NEGR1: variants seen among roughly 807,000 people sequenced by gnomAD.
NEGR1 encodes IgLON family member 4.
A neutral mutation model predicts 40.9 loss-of-function variants in NEGR1; 10 were observed. The ratio of observed to expected loss-of-function variants is 0.24; its 90% CI spans 0.15 to 0.42. NEGR1 has a LOEUF of 0.42. Ranked by LOEUF, NEGR1 falls within the 10% of genes least tolerant of loss-of-function variation. NEGR1 has a pLI of 1.00. For synonymous variants in NEGR1, 185 were observed against 166.8 expected (o/e 1.11, Z -0.84); for missense variants, 352 against 438.9 (o/e 0.80, Z 1.77).
chr1:71,993,267 A>C lies in NEGR1; in HGVS notation c.177-57956T>G, dbSNP rs181288630. ...CTTAATAGCTTTCTTTGAATATCTAAAAGAACTTTGAAGGTAGCAAAGTAA... is the reference window on the plus strand; with the variant it reads ...CTTAATAGCTTTCTTTGAATATCTACAAGAACTTTGAAGGTAGCAAAGTAA... On this transcript the variant is annotated intron_variant, in intron 1 of 6. Transcript: ENST00000357731. Among the ~76,000 whole-genome samples the C allele has an allele frequency of 3.5e-4, 53 of 152,296 alleles. 1 individual carries two copies. Among genetic ancestry groups the C allele is most frequent in the South Asian group, 1.4e-3 (7 of 4,830 alleles).
intron 1 of NEGR1, among the ~76,000 whole-genome samples, chr1:72,194,029 T>A (rs992892100): frequency 1.3e-5 from 2 of 151,862 alleles, no homozygotes; most frequent in African/African-American, 4.8e-5. Context: ...TACAAAATTT[T>A]AAAAATACTG....
chr1:72,270,451 T>G (rs1428304747), intron 1 of NEGR1, among the ~76,000 whole-genome samples: 1 of 151,916 alleles, frequency 6.6e-6, no homozygotes, highest in East Asian at 1.9e-4. Context: ...GCCTTCAGCA[T>G]AACCTACAGA....
chr1:71,474,517 TACACACACACACACACACACACACAC>T (rs57225665), intron 6 of NEGR1, among the ~76,000 whole-genome samples: 5 of 115,452 alleles, frequency 4.3e-5, no homozygotes, highest in Non-Finnish European at 8.7e-5. Context: ...CTACTAACAA[TACACACACACACACACACACACACAC>T]ACACACACAC....
intron 1 of NEGR1, among the ~76,000 whole-genome samples, chr1:72,215,973 T>C (rs908422953): frequency 6.6e-6 from 1 of 152,016 alleles, no homozygotes. Context: ...TGCCCATCAA[T>C]GATAGATGGG....
At chr1:71,866,975 A>G (rs1660132524) in intron 2 of NEGR1, among the ~76,000 whole-genome samples, 1 of 152,224 alleles carries the variant, frequency 6.6e-6, no homozygotes, top group Non-Finnish European at 1.5e-5. Flanking sequence ...ACAGTGTAGA[A>G]GAAAGTCATT....
intron 4 of NEGR1, among the ~76,000 whole-genome samples, chr1:71,650,445 A>G (rs978331503): frequency 6.6e-6 from 1 of 152,194 alleles, no homozygotes; most frequent in African/African-American, 2.4e-5. Flanking sequence ...TAGTAAGAAC[A>G]AGTTTCACAT....
chr1:71,744,883 C>T (rs537348619), intron 3 of NEGR1, among the ~76,000 whole-genome samples: 3 of 151,854 alleles, frequency 2.0e-5, no homozygotes, highest in Non-Finnish European at 4.4e-5. Context: ...TCATAAATAC[C>T]TTTGGTGGAA....
At chr1:71,764,579 G>A (rs1420831787) in intron 3 of NEGR1, among the ~76,000 whole-genome samples, 1 of 152,160 alleles carries the variant, frequency 6.6e-6, no homozygotes, top group Non-Finnish European at 1.5e-5. Context: ...CAAGGCATTT[G>A]GCCCAGGAAC....
In NEGR1 at chr1:71,730,190, T is replaced by G. The variant is rs987691534; in HGVS notation, c.536-32051A>C. 1.2e-4 allele frequency among the ~76,000 whole-genome samples: 19 copies of G among 152,050 alleles called. 1 individual carries two copies. The highest frequency in any genetic ancestry group is 4.3e-4 in the African/African-American group (18 of 41,420). ...GAAAGATAACTAGAACATGTACAAG[T>G]TTTTTGGAGAAAATATTATTTGTTC... On this transcript the variant is annotated intron_variant, in intron 3 of 6. Transcript: ENST00000357731.
At chr1:71,553,041 G>A (rs191369256) in intron 6 of NEGR1, among the ~76,000 whole-genome samples, 1 of 150,558 alleles carries the variant, frequency 6.6e-6, no homozygotes, top group East Asian at 2.0e-4. Context: ...ATTGAGTCAG[G>A]TTGTAAAAAT....
intron 1 of NEGR1, among the ~76,000 whole-genome samples, chr1:72,160,692 G>A (rs1180095920): frequency 2.0e-5 from 3 of 152,068 alleles, no homozygotes; most frequent in Non-Finnish European, 2.9e-5. Context: ...TTTCTGGAAA[G>A]ATCATCAGTA....
intron 6 of NEGR1, among the ~76,000 whole-genome samples, chr1:71,492,527 C>T (rs572912652): frequency 5.1e-4 from 77 of 152,146 alleles, no homozygotes; most frequent in Non-Finnish European, 9.7e-4. Context: ...TCACCTCTTA[C>T]GGCTCCTGGT....
chr1:71,575,092 C>T (rs1462426091), intron 6 of NEGR1, among the ~76,000 whole-genome samples: 1 of 152,162 alleles, frequency 6.6e-6, no homozygotes, highest in African/African-American at 2.4e-5. Flanking sequence ...ATGCCACTTT[C>T]ACTCATAAAC....
At chr1:71,413,954 C>A (rs996365541) in intron 6 of NEGR1, among the ~76,000 whole-genome samples, 3 of 152,022 alleles carry the variant, frequency 2.0e-5, no homozygotes, top group African/African-American at 7.3e-5. Flanking sequence ...GGTACAATAC[C>A]AATTACTTCC....
At chr1:71,557,153 T>G (rs575382115) in intron 6 of NEGR1, among the ~76,000 whole-genome samples, 1 of 151,792 alleles carries the variant, frequency 6.6e-6, no homozygotes, top group Non-Finnish European at 1.5e-5. Context: ...ATGGTAGAGA[T>G]AGTTCATCTT....
At chr1:71,718,552 A>G (rs1016605283) in intron 3 of NEGR1, among the ~76,000 whole-genome samples, 1 of 152,220 alleles carries the variant, frequency 6.6e-6, no homozygotes, top group African/African-American at 2.4e-5. Context: ...AACTATTGAC[A>G]TTTAAAGTAC....
intron 6 of NEGR1, among the ~76,000 whole-genome samples, chr1:71,507,092 A>C (rs1647040032): frequency 6.6e-6 from 1 of 152,252 alleles, no homozygotes; most frequent in Admixed American, 6.5e-5. Context: ...AACAGGTCTT[A>C]AAAAGTCTCC....
intron 1 of NEGR1, among the ~76,000 whole-genome samples, chr1:72,026,156 A>G (rs17097655): frequency 0.021 from 3,109 of 149,786 alleles, 103 homozygotes; most frequent in African/African-American, 0.073. Context: ...ACATAATTAA[A>G]GCAGATGGCT....
At chr1:72,015,492 C>T (rs868348128) in intron 1 of NEGR1, among the ~76,000 whole-genome samples, 24 of 151,782 alleles carry the variant, frequency 1.6e-4, no homozygotes, top group African/African-American at 4.1e-4. Flanking sequence ...AGGTTTTTAC[C>T]GTAAATAAAA....
Sources: gnomAD v4.1 joint callset for allele counts (sites outside exome capture counted in the v4.1 genomes callset) on GRCh38, gnomAD v4.1.1 for gene constraint, MANE v1.5 for transcripts, NCBI Gene and HGNC (gene_info 2026-07-23, HGNC 2026-07-21) for gene names.